PHLPP1: variants seen among roughly 807,000 people sequenced by gnomAD.
PHLPP1 encodes PH domain leucine-rich repeat-containing protein phosphatase 1.
Under a neutral mutation model 117.2 loss-of-function variants are expected in PHLPP1, and 42 were observed. That is an observed-to-expected ratio of 0.36 (90% CI 0.28 to 0.46). The LOEUF (loss-of-function observed/expected upper bound fraction) is 0.46, where lower values mean the gene tolerates loss of function less well. Ranked by LOEUF, PHLPP1 falls within the 20% of genes least tolerant of loss-of-function variation. The pLI, the probability that PHLPP1 is intolerant of heterozygous loss-of-function variation, is 1.00. For missense variants in PHLPP1, 2,084 were observed against 2,241.9 expected (o/e 0.93, Z 1.42); for synonymous variants, 1,042 against 970.7 (o/e 1.07, Z -1.37).
chr18:62,858,941 T>A (rs1279312449), intron 3 of PHLPP1, among the ~76,000 whole-genome samples: 11 of 152,148 alleles, frequency 7.2e-5, no homozygotes, highest in Non-Finnish European at 1.5e-4. Flanking sequence ...GTTATACAGA[T>A]GAGAAAACTG....
chr18:62,941,703 G>A lies in PHLPP1; in HGVS notation c.2961-15G>A, dbSNP rs763291487. 3.9e-5 allele frequency: 63 copies of A among 1,600,954 alleles called. No homozygotes were observed. The highest frequency in any genetic ancestry group is 1.8e-4 in the East Asian group (8 of 44,590). On this transcript the variant is annotated splice_polypyrimidine_tract_variant and intron_variant, in intron 10 of 16. Transcript: ENST00000262719. ...TGACTTTTCAATGGCATTTTGTTGCGTTTTGTCATTGTAGCCTGAGATTCC... is the reference window on the plus strand; with the variant it reads ...TGACTTTTCAATGGCATTTTGTTGCATTTTGTCATTGTAGCCTGAGATTCC...
chr18:62,858,478 G>A (rs1206726062), intron 3 of PHLPP1, among the ~76,000 whole-genome samples: 1 of 152,114 alleles, frequency 6.6e-6, no homozygotes, highest in Non-Finnish European at 1.5e-5. Context: ...GGCCAGGCTG[G>A]TCTGGAACTT....
chr18:62,764,463 A>C (rs1912391085), intron 1 of PHLPP1, among the ~76,000 whole-genome samples: 1 of 151,548 alleles, frequency 6.6e-6, no homozygotes, highest in Non-Finnish European at 1.5e-5. Context: ...GATGCTAGTC[A>C]CACTTAACGT....
intron 4 of PHLPP1, among the ~76,000 whole-genome samples, chr18:62,863,721 C>T (rs1172526014): frequency 6.6e-6 from 1 of 151,950 alleles, no homozygotes; most frequent in Non-Finnish European, 1.5e-5. Context: ...TACAATGAGC[C>T]GTGAGACAGC....
At chr18:62,933,350 C>T (rs1423805395) in intron 10 of PHLPP1, among the ~76,000 whole-genome samples, 4 of 152,302 alleles carry the variant, frequency 2.6e-5, no homozygotes, top group African/African-American at 9.6e-5. Flanking sequence ...CATTACCTGA[C>T]TTCAAGGTAA....
At chr18:62,729,127 AG>A (rs1911160518) in intron 1 of PHLPP1, among the ~76,000 whole-genome samples, 1 of 152,224 alleles carries the variant, frequency 6.6e-6, no homozygotes, top group Non-Finnish European at 1.5e-5. Context: ...TTCCAAATAT[AG>A]AAAAGTCAAA....
At chr18:62,839,136 G>T in intron 3 of PHLPP1, 1 of 477,044 alleles carries the variant, frequency 2.1e-6, no homozygotes, top group South Asian at 3.0e-5. Flanking sequence ...AAAATAAATT[G>T]GTCTGTAAAC....
At chr18:62,841,680 G>A (rs538101640) in intron 3 of PHLPP1, among the ~76,000 whole-genome samples, 80 of 152,202 alleles carry the variant, frequency 5.3e-4, no homozygotes, top group African/African-American at 1.9e-3. Context: ...GAATACTGAT[G>A]AGGTATTCCT....
chr18:62,855,474 A>G (rs976704113), intron 3 of PHLPP1, among the ~76,000 whole-genome samples: 6 of 152,206 alleles, frequency 3.9e-5, no homozygotes, highest in African/African-American at 7.2e-5. Context: ...GAGTAGAAGC[A>G]CTTAAATCTC....
At chr18:62,762,601 A>C (rs940563595) in intron 1 of PHLPP1, among the ~76,000 whole-genome samples, 2 of 151,394 alleles carry the variant, frequency 1.3e-5, no homozygotes, top group African/African-American at 4.9e-5. Context: ...TTTAGTAGAG[A>C]CGAGGTTTCA....
rs560817991 is a variant in PHLPP1 at position 62,920,043 on chromosome 18, G to C, written c.2889G>C (p.Ser963=). ...TGCCTGAAAGGCTAGAAAGAACCTC[G>C]GTGGAGGTCTTGGATGTGCAACACA... ...ARLPERLERT[S]VEVLDVQHNQ... The change falls in exon 10 of 17, where the codon TCG becomes TCC. Residue 963 remains serine, a synonymous_variant. Coordinates refer to ENST00000262719, the MANE Select transcript of PHLPP1 (RefSeq NM_194449.4). The C allele has an allele frequency of 3.1e-6, 5 of 1,613,142 alleles. No homozygotes were observed. In the South Asian group the frequency reaches 5.5e-5, roughly 18 times the overall value.
At chr18:62,795,587 A>G (rs1913609213) in intron 1 of PHLPP1, among the ~76,000 whole-genome samples, 1 of 151,860 alleles carries the variant, frequency 6.6e-6, no homozygotes, top group African/African-American at 2.4e-5. Context: ...GGACTTGGTC[A>G]CTGGATGGTA....
At chr18:62,770,838 A>G (rs1019609818) in intron 1 of PHLPP1, among the ~76,000 whole-genome samples, 1 of 152,314 alleles carries the variant, frequency 6.6e-6, no homozygotes, top group South Asian at 2.1e-4. Context: ...TATACACCTT[A>G]TACACATAGT....
Position 62,716,456 on chromosome 18 carries a change from G to C in PHLPP1, c.773G>C (p.Arg258Pro). 1 of 1,297,994 alleles carries C rather than the reference G, an allele frequency of 7.7e-7. No homozygotes were observed. Among genetic ancestry groups the C allele is most frequent in the South Asian group, 2.3e-5 (1 of 42,692 alleles). 80.4% of individuals were successfully genotyped at this position (1,297,994 alleles called of 1,614,324 possible). A position where few individuals can be genotyped will look rare whatever the true frequency, so the allele number is the denominator to read the frequency against. The change falls in exon 1 of 17, where the codon CGG becomes CCG. Residue 258 changes from arginine to proline, a missense_variant. Transcript: ENST00000262719. This position sits in a 1 kb window ranked among gnomAD's most constrained non-coding sequence, Gnocchi z 5.7. ...CAGGGGCCCGGAGCCGCCGCCGCCC[G>C]GGAGCCCGCTGAACCGCCCCCCGAG... is the stretch of plus-strand genomic sequence containing the variant. ...LGQGPGAAAA[R>P]EPAEPPPEAG...
chr18:62,879,064 C>T (rs1916111629), intron 4 of PHLPP1, among the ~76,000 whole-genome samples: 1 of 152,140 alleles, frequency 6.6e-6, no homozygotes, highest in African/African-American at 2.4e-5. Context: ...GAAATGCCTA[C>T]ATCAGAATCA....
chr18:62,839,823 TA>T (rs1232358236), intron 3 of PHLPP1: 2 of 149,130 alleles, frequency 1.3e-5, no homozygotes, highest in Non-Finnish European at 3.0e-5. Context: ...GTGTTTAATG[TA>T]AACCAGAATC....
At chr18:62,896,346 C>T (rs1286833033) in intron 6 of PHLPP1, among the ~76,000 whole-genome samples, 8 of 146,506 alleles carry the variant, frequency 5.5e-5, no homozygotes, top group South Asian at 2.2e-4. Flanking sequence ...GGCTGGAGTG[C>T]GGTGGCCTGA....
intron 6 of PHLPP1, among the ~76,000 whole-genome samples, chr18:62,897,377 T>C (rs1157055318): frequency 6.6e-6 from 1 of 152,222 alleles, no homozygotes. Context: ...GAATAGACAT[T>C]AGACACTCTG....
chr18:62,905,714 G>A (rs549652031), intron 8 of PHLPP1, among the ~76,000 whole-genome samples: 1 of 151,996 alleles, frequency 6.6e-6, no homozygotes, highest in African/African-American at 2.4e-5. Context: ...TACACCCCTT[G>A]TTTAGACATA....
Sources: gnomAD v4.1 joint callset for allele counts (sites outside exome capture counted in the v4.1 genomes callset) on GRCh38, gnomAD v4.1.1 for gene constraint, Gnocchi (gnomAD v3.1) non-coding constraint, MANE v1.5 for transcripts, NCBI Gene and HGNC (gene_info 2026-07-23, HGNC 2026-07-21) for gene names.